LINGO2: variants seen among roughly 807,000 people sequenced by gnomAD.
LINGO2 encodes the protein leucine-rich repeat and immunoglobulin-like domain-containing nogo receptor-interacting protein 2.
A neutral mutation model predicts 30.6 loss-of-function variants in LINGO2; 14 were observed. The ratio of observed to expected loss-of-function variants is 0.46; its 90% CI spans 0.30 to 0.72. The LOEUF is 0.72. Among genes scored for constraint, LINGO2 ranks in the 30% least tolerant of loss-of-function variants. The pLI, the probability that LINGO2 is intolerant of heterozygous loss-of-function variation, is 0.07. For synonymous variants in LINGO2, 317 were observed against 288.5 expected, an observed-to-expected ratio of 1.10 and a Z score of -1.00; for missense variants, 729 against 751.7, an observed-to-expected ratio of 0.97 and a Z score of 0.35.
chr9:28,333,519 C>A (rs1825492430), intron 3 of LINGO2, among the ~76,000 whole-genome samples: 1 of 152,124 alleles, frequency 6.6e-6, no homozygotes, highest in Admixed American at 6.5e-5. Flanking sequence ...AGGGAAGATA[C>A]ATTTTTCTTC....
exon 6 of LINGO2, chr9:27,949,125 A>T: frequency 6.2e-7 from 1 of 1,614,184 alleles, no homozygotes; most frequent in Non-Finnish European, 8.5e-7. Context: ...GGTCATGTAC[A>T]TAGGGGTCCT....
the LINGO2 span, among the ~76,000 whole-genome samples, chr9:29,051,049 T>C: frequency 6.6e-6 from 1 of 152,132 alleles, no homozygotes; most frequent in Non-Finnish European, 1.5e-5. Context: ...GAGTGTAAGA[T>C]ACAGATATTT....
At chr9:28,104,515 C>G (rs1826522702) in intron 4 of LINGO2, among the ~76,000 whole-genome samples, 2 of 151,774 alleles carry the variant, frequency 1.3e-5, no homozygotes, top group Non-Finnish European at 2.9e-5. Flanking sequence ...CTTCAGACCT[C>G]CCAATATAGA....
chr9:28,716,087 T>A, the LINGO2 span, among the ~76,000 whole-genome samples: 7 of 151,974 alleles, frequency 4.6e-5, no homozygotes, highest in South Asian at 2.1e-4. Flanking sequence ...CTCGAAATAA[T>A]ACTTCCATCT....
intron 2 of LINGO2, among the ~76,000 whole-genome samples, chr9:28,471,627 C>T (rs1825523939): frequency 6.6e-6 from 1 of 151,976 alleles, no homozygotes; most frequent in African/African-American, 2.4e-5. Context: ...ACAGTATACC[C>T]AACAGAACAG....
chr9:28,818,814 A>C, the LINGO2 span, among the ~76,000 whole-genome samples: 1 of 152,202 alleles, frequency 6.6e-6, no homozygotes, highest in Non-Finnish European at 1.5e-5. Context: ...CAGTGTAAAA[A>C]GATAGAGCTC....
chr9:28,521,883 G>T (rs1026066349), intron 1 of LINGO2, among the ~76,000 whole-genome samples: 1 of 152,148 alleles, frequency 6.6e-6, no homozygotes, highest in African/African-American at 2.4e-5. Context: ...GGTGGAGACA[G>T]GTTGGAATTA....
intron 4 of LINGO2, among the ~76,000 whole-genome samples, chr9:28,040,766 C>T (rs1189262590): frequency 1.6e-5 from 1 of 63,726 alleles, no homozygotes; most frequent in Non-Finnish European, 3.2e-5. Context: ...ATTTAACTGA[C>T]TTTTCCCAAA....
At chr9:28,307,544 A>G (rs1824419699) in intron 3 of LINGO2, among the ~76,000 whole-genome samples, 1 of 151,914 alleles carries the variant, frequency 6.6e-6, no homozygotes, top group Non-Finnish European at 1.5e-5. Context: ...CTCTCTCACC[A>G]CTCCTATTCA....
the LINGO2 span, among the ~76,000 whole-genome samples, chr9:28,877,173 T>G: frequency 2.5e-4 from 38 of 151,874 alleles, no homozygotes; most frequent in African/African-American, 8.7e-4. Context: ...ATGAGTAGGT[T>G]GCAAAAATTT....
chr9:28,260,811 T>C (rs987731979), intron 4 of LINGO2, among the ~76,000 whole-genome samples: 1 of 151,978 alleles, frequency 6.6e-6, no homozygotes, highest in Non-Finnish European at 1.5e-5. Flanking sequence ...TTTAGTCTCA[T>C]ATGACACTTT....
chr9:29,147,846 T>C, the LINGO2 span, among the ~76,000 whole-genome samples: 1 of 152,070 alleles, frequency 6.6e-6, no homozygotes, highest in Non-Finnish European at 1.5e-5. Context: ...GCAAACTAAA[T>C]GAATGTACAG....
At chr9:29,194,758 T>G in the LINGO2 span, among the ~76,000 whole-genome samples, 1 of 152,144 alleles carries the variant, frequency 6.6e-6, no homozygotes. Flanking sequence ...CTAAGCAATT[T>G]TGTGTTCCCT....
intron 5 of LINGO2, among the ~76,000 whole-genome samples, chr9:27,993,172 T>C (rs1034033805): frequency 6.6e-6 from 1 of 152,152 alleles, no homozygotes; most frequent in South Asian, 2.1e-4. Context: ...CAGTTGAATT[T>C]AGAGTTCTTT....
At chr9:28,671,667 A>T (rs13285133), upstream of LINGO2, among the ~76,000 whole-genome samples, 3 of 151,910 alleles carry the variant, frequency 2.0e-5, no homozygotes, top group Non-Finnish European at 4.4e-5. Flanking sequence ...AGAATCAAAA[A>T]ATTACGTATC....
intron 1 of LINGO2, among the ~76,000 whole-genome samples, chr9:28,488,284 T>G (rs1379737962): frequency 3.3e-5 from 5 of 152,244 alleles, no homozygotes; most frequent in African/African-American, 9.6e-5. Context: ...AGAAAAAACT[T>G]TAAGAGATGT....
At chr9:29,071,502 T>C in the LINGO2 span, among the ~76,000 whole-genome samples, 3 of 117,234 alleles carry the variant, frequency 2.6e-5, no homozygotes, top group Admixed American at 1.8e-4. Flanking sequence ...TATATATATA[T>C]ATATATATAT....
intron 4 of LINGO2, among the ~76,000 whole-genome samples, chr9:28,078,752 G>A (rs1178595168): frequency 6.8e-6 from 1 of 147,768 alleles, no homozygotes; most frequent in African/African-American, 2.7e-5. Context: ...GGAGGCTGGG[G>A]CAGGAGAACC....
chr9:28,796,633 A>G, the LINGO2 span, among the ~76,000 whole-genome samples: 1 of 152,190 alleles, frequency 6.6e-6, no homozygotes, highest in East Asian at 1.9e-4. Flanking sequence ...GATCCACATC[A>G]TGATGATTTT....
Sources: gnomAD v4.1 joint callset for allele counts (sites outside exome capture counted in the v4.1 genomes callset) on GRCh38, gnomAD v4.1.1 for gene constraint, MANE v1.5 for transcripts, NCBI Gene and HGNC (gene_info 2026-07-23, HGNC 2026-07-21) for gene names.